The following UBTD1 variants were observed in gnomAD, a reference collection of about 807,000 sequenced individuals.
UBTD1 encodes ubiquitin domain containing 1.
A neutral mutation model predicts 21.7 loss-of-function variants in UBTD1; 19 were observed. The observed-to-expected ratio is 0.87, with a 90% CI of 0.61 to 1.28. UBTD1 has a LOEUF of 1.28. Among genes scored for constraint, UBTD1 ranks in the 50% most tolerant of loss-of-function variants. UBTD1 has a pLI of 0.00. For synonymous variants in UBTD1, 116 were observed against 135.1 expected (o/e 0.86, Z 0.98); for missense variants, 282 against 315.1 (o/e 0.89, Z 0.80).
chr10:97,526,942 C>T (rs980365878), intron 1 of UBTD1, among the ~76,000 whole-genome samples: 3 of 151,260 alleles, frequency 2.0e-5, no homozygotes, highest in Non-Finnish European at 2.9e-5. Flanking sequence ...GAGGCTGAGA[C>T]GGGTGGATTA....
At chr10:97,525,216 C>T (rs2040482939) in intron 1 of UBTD1, among the ~76,000 whole-genome samples, 1 of 152,216 alleles carries the variant, frequency 6.6e-6, no homozygotes, top group Non-Finnish European at 1.5e-5. Flanking sequence ...CTTTTAGCAA[C>T]TCACAGTGTA....
chr10:97,548,574 T>A (rs1420595518), intron 1 of UBTD1, among the ~76,000 whole-genome samples: 3 of 152,122 alleles, frequency 2.0e-5, no homozygotes, highest in Non-Finnish European at 2.9e-5. Context: ...GGCAGGCGGA[T>A]CACTTGAGGC....
At chr10:97,528,857 G>A (rs1346665134) in intron 1 of UBTD1, among the ~76,000 whole-genome samples, 1 of 138,856 alleles carries the variant, frequency 7.2e-6, no homozygotes, top group African/African-American at 2.7e-5. Flanking sequence ...GGGCAGAGGC[G>A]CCCCTCACCT....
At chr10:97,550,982 C>G (rs766271545) in intron 1 of UBTD1, among the ~76,000 whole-genome samples, 1 of 152,190 alleles carries the variant, frequency 6.6e-6, no homozygotes. Flanking sequence ...CTCTGGAGAC[C>G]ATGTGTTGAA....
chr10:97,507,774 C>CAAAAAAAAA (rs61128714), intron 1 of UBTD1, among the ~76,000 whole-genome samples: 7 of 59,540 alleles, frequency 1.2e-4, no homozygotes, highest in Non-Finnish European at 2.2e-4. Flanking sequence ...GACTCCGTCT[C>CAAAAAAAAA]AAAAAAAAAA....
intron 1 of UBTD1, among the ~76,000 whole-genome samples, chr10:97,530,928 C>T (rs939433680): frequency 6.6e-6 from 1 of 151,800 alleles, no homozygotes; most frequent in African/African-American, 2.4e-5. Flanking sequence ...GGCTCTGTTG[C>T]CCAGGCTGGA....
At chr10:97,561,241 GCTC>G (rs770116858) in intron 1 of UBTD1, among the ~76,000 whole-genome samples, 1 of 152,126 alleles carries the variant, frequency 6.6e-6, no homozygotes, top group African/African-American at 2.4e-5. Flanking sequence ...CCACAGGGAT[GCTC>G]CACAGGGCAG....
chr10:97,555,926 G>GTC (rs1015858641), intron 1 of UBTD1, among the ~76,000 whole-genome samples: 3 of 152,160 alleles, frequency 2.0e-5, no homozygotes, highest in South Asian at 2.1e-4. Context: ...ATATGAGAGG[G>GTC]TCTCTCTCTT....
At chr10:97,537,783 C>T (rs2040570023) in intron 1 of UBTD1, among the ~76,000 whole-genome samples, 2 of 150,748 alleles carry the variant, frequency 1.3e-5, no homozygotes, top group Admixed American at 1.3e-4. Flanking sequence ...GAAAGGAGGC[C>T]TGGTCTTTCA....
intron 1 of UBTD1, among the ~76,000 whole-genome samples, chr10:97,562,238 A>C (rs553676058): frequency 6.6e-6 from 1 of 152,176 alleles, no homozygotes; most frequent in Non-Finnish European, 1.5e-5. Flanking sequence ...CCCCGTTTCT[A>C]CTACAGATAC....
At chr10:97,526,228 T>G (rs2040487734) in intron 1 of UBTD1, among the ~76,000 whole-genome samples, 1 of 152,172 alleles carries the variant, frequency 6.6e-6, no homozygotes, top group Admixed American at 6.5e-5. Flanking sequence ...GAAGTGAAAA[T>G]TGATAGTCTT....
chr10:97,525,029 AG>A (rs2040482183), intron 1 of UBTD1, among the ~76,000 whole-genome samples: 1 of 152,236 alleles, frequency 6.6e-6, no homozygotes, highest in Non-Finnish European at 1.5e-5. Flanking sequence ...GCCTCACTAC[AG>A]AAGATGGAGA....
At position 97,499,215 on chromosome 10, in the gene UBTD1, C is replaced by G; in HGVS notation, c.12C>G (p.Cys4Trp). MGN[C>W]VGRQRRERPA... ...GCTGAGGAGCCAGCATGGGCAACTGCGTGGGGAGACAGCGCCGGGAGAGGC... is the reference window on the plus strand; with the variant it reads ...GCTGAGGAGCCAGCATGGGCAACTGGGTGGGGAGACAGCGCCGGGAGAGGC... The change falls in exon 1 of 3, where the codon TGC (cysteine) becomes TGG (tryptophan). Residue 4 changes from cysteine (C) to tryptophan (W), a missense_variant. Transcript: ENST00000370664. 6.5e-7 allele frequency: 1 copy of G among 1,547,196 alleles called. No individual in the cohort carries two copies. The highest frequency in any genetic ancestry group is 8.7e-7 in the Non-Finnish European group (1 of 1,145,406).
intron 1 of UBTD1, among the ~76,000 whole-genome samples, chr10:97,536,953 T>C (rs2040565533): frequency 6.6e-6 from 1 of 152,076 alleles, no homozygotes; most frequent in South Asian, 2.1e-4. Context: ...TTGGAGGGGC[T>C]GACCTTCGGA....
intron 1 of UBTD1, among the ~76,000 whole-genome samples, chr10:97,527,587 G>T (rs926285265): frequency 3.3e-5 from 5 of 152,268 alleles, no homozygotes; most frequent in Non-Finnish European, 1.5e-5. Flanking sequence ...GTGAACAAAG[G>T]TCTCTGGTTT....
At chr10:97,520,814 G>C (rs1256666278) in intron 1 of UBTD1, among the ~76,000 whole-genome samples, 4 of 152,188 alleles carry the variant, frequency 2.6e-5, no homozygotes, top group African/African-American at 9.7e-5. Flanking sequence ...CCCTGTTGGG[G>C]TAAGGAGGTG....
rs200534834 is a variant in UBTD1, at chr10:97,499,256, A to G, written c.53A>G (p.His18Arg). 141 of 1,548,132 alleles carry G rather than the reference A, an allele frequency of 9.1e-5. No homozygotes were observed. The highest frequency in any genetic ancestry group is 2.6e-6 in the Non-Finnish European group (3 of 1,145,692). ...CGGGAGAGGCCGGCAGCCCCGGGACACCCCCGCAAGCGAGCAGGTAACGAT... is the reference window on the plus strand; with the variant it reads ...CGGGAGAGGCCGGCAGCCCCGGGACGCCCCCGCAAGCGAGCAGGTAACGAT... ...QRRERPAAPGHPRKRAGRNEP... is the reference protein window; with the variant it reads ...QRRERPAAPGRPRKRAGRNEP... The change falls in exon 1 of 3, where the codon CAC (histidine) becomes CGC (arginine). Residue 18 changes from histidine (H) to arginine (R), a missense_variant. Physicochemically the swap from His to Arg is conservative, Grantham distance 29 (BLOSUM62 0). Coordinates refer to ENST00000370664, the MANE Select transcript of UBTD1 (RefSeq NM_024954.5).
chr10:97,553,035 A>G (rs1449493855), intron 1 of UBTD1, among the ~76,000 whole-genome samples: 2 of 152,296 alleles, frequency 1.3e-5, no homozygotes, highest in South Asian at 4.1e-4. Context: ...TAAGTTTCTC[A>G]GTACCTCGCA....
chr10:97,554,246 C>CAT (rs1179625817), intron 1 of UBTD1, among the ~76,000 whole-genome samples: 2 of 96,326 alleles, frequency 2.1e-5, no homozygotes, highest in Non-Finnish European at 4.4e-5. Flanking sequence ...TGTTTGTTTT[C>CAT]GTTTTTTTTT....
Sources: gnomAD v4.1 joint callset for allele counts (sites outside exome capture counted in the v4.1 genomes callset) on GRCh38, gnomAD v4.1.1 for gene constraint, MANE v1.5 for transcripts, NCBI Gene and HGNC (gene_info 2026-07-23, HGNC 2026-07-21) for gene names.